The following ROBO2 variants were observed in gnomAD, a reference collection of about 807,000 sequenced individuals.
ROBO2 encodes the protein roundabout homolog 2.
ROBO2 carries 53 observed loss-of-function variants against 160.8 expected under a neutral mutation model. The observed-to-expected ratio is 0.33, with a 90% confidence interval of 0.26 to 0.41. The LOEUF (loss-of-function observed/expected upper bound fraction) is 0.41. Ranked by LOEUF, ROBO2 falls within the 10% of genes least tolerant of loss-of-function variation. The pLI, the probability that ROBO2 is intolerant of heterozygous loss-of-function variation, is 1.00. For synonymous variants in ROBO2, 664 were observed against 611.7 expected (o/e 1.09, Z -1.26); for missense variants, 1,577 against 1,722.4 (o/e 0.92, Z 1.49).
intron 2 of ROBO2, among the ~76,000 whole-genome samples, chr3:76,510,378 A>G (rs1397344121): frequency 6.6e-6 from 1 of 152,194 alleles, no homozygotes; most frequent in Non-Finnish European, 1.5e-5. Flanking sequence ...AACCTGAGGA[A>G]ATGGAAGGAT....
chr3:75,939,964 G>A (rs1047587462), intron 2 of ROBO2, among the ~76,000 whole-genome samples: 6 of 152,054 alleles, frequency 3.9e-5, no homozygotes, highest in Non-Finnish European at 5.9e-5. Context: ...GACCCGCAAT[G>A]TCCAAGATTA....
intron 2 of ROBO2, among the ~76,000 whole-genome samples, chr3:77,237,597 A>G (rs946324073): frequency 1.3e-5 from 2 of 152,022 alleles, no homozygotes; most frequent in Non-Finnish European, 1.5e-5. Flanking sequence ...ATAATATTAC[A>G]TTGGATGTAA....
At chr3:76,167,248 T>C (rs987079810) in intron 2 of ROBO2, among the ~76,000 whole-genome samples, 15 of 152,150 alleles carry the variant, frequency 9.9e-5, no homozygotes, top group African/African-American at 3.6e-4. Flanking sequence ...GGGTTACACT[T>C]GAATTTTATT....
chr3:76,183,690 C>G (rs1701614606), intron 2 of ROBO2, among the ~76,000 whole-genome samples: 1 of 152,088 alleles, frequency 6.6e-6, no homozygotes, highest in East Asian at 1.9e-4. Flanking sequence ...AGGATACACT[C>G]TACTCCGAAT....
At chr3:76,318,153 A>T (rs1046951641) in intron 2 of ROBO2, among the ~76,000 whole-genome samples, 1 of 152,226 alleles carries the variant, frequency 6.6e-6, no homozygotes, top group East Asian at 1.9e-4. Flanking sequence ...TGTATTCTTC[A>T]TATTAGAAAA....
chr3:77,038,750 C>G (rs1389840660), upstream of ROBO2, among the ~76,000 whole-genome samples: 1 of 152,200 alleles, frequency 6.6e-6, no homozygotes, highest in African/African-American at 2.4e-5. Flanking sequence ...TTTGATCTAA[C>G]GTGACCTTCC....
intron 2 of ROBO2, among the ~76,000 whole-genome samples, chr3:75,992,822 A>G (rs1290465533): frequency 6.6e-6 from 1 of 152,222 alleles, no homozygotes; most frequent in Non-Finnish European, 1.5e-5. Context: ...CACCTCTTCC[A>G]TCAGCATGAC....
chr3:76,822,647 G>C (rs3907105), intron 2 of ROBO2, among the ~76,000 whole-genome samples: 9,280 of 151,048 alleles, frequency 0.061, 309 homozygotes, highest in East Asian at 0.11. Flanking sequence ...CATTTTCATT[G>C]ATGAGACTTT....
intron 2 of ROBO2, among the ~76,000 whole-genome samples, chr3:76,118,599 G>A (rs7626462): frequency 0.38 from 57,124 of 151,968 alleles, 11,998 homozygotes; most frequent in African/African-American, 0.58. Context: ...TTATTGGATC[G>A]CACTTGGCTC....
chr3:76,386,327 TTCCCTCCCTCCCTCCCTCCC>T (rs1179625016), intron 2 of ROBO2, among the ~76,000 whole-genome samples: 1 of 122,692 alleles, frequency 8.2e-6, no homozygotes, highest in Non-Finnish European at 1.6e-5. Context: ...CCTTCCCTCC[TTCCCTCCCTCCCTCCCTCCC>T]TCCCTCCCTC....
At chr3:76,809,799 GGAGA>G (rs2065021373) in intron 2 of ROBO2, among the ~76,000 whole-genome samples, 1 of 151,960 alleles carries the variant, frequency 6.6e-6, no homozygotes, top group Admixed American at 6.6e-5. Flanking sequence ...ACAAAGGAAG[GGAGA>G]GAGGAAAACA....
chr3:76,946,995 G>A lies in ROBO2; in HGVS notation c.110-151019G>A, dbSNP rs140233613. 3.9e-3 allele frequency among the ~76,000 whole-genome samples: 590 copies of A among 152,162 alleles called. 3 individuals are homozygous for A. The highest frequency in any genetic ancestry group is 0.013 in the African/African-American group (554 of 41,514). On this transcript the variant is annotated intron_variant, in intron 2 of 26. Transcript: ENST00000487694. The stretch of plus-strand genomic sequence containing the variant: ...CATTCTTGTGTATATTTAGTCTAAC[G>A]TTTTAATTGTTTCGGGTGGGAGAGT...
Position 77,428,603 on chromosome 3 carries a change from G to A in ROBO2, c.389-48811G>A, listed in dbSNP as rs370426487. ...GATCTCCTGACCTCATGATCCACCC[G>A]CCTCGGCCTCCCAAAGTGCTGGGAT... On this transcript the variant is annotated intron_variant, in intron 2 of 25. Transcript: ENST00000461745. 4.0e-5 allele frequency among the ~76,000 whole-genome samples: 6 copies of A among 151,500 alleles called. No homozygotes were observed. In the East Asian group the frequency reaches 5.8e-4, roughly 15 times the overall value.
intron 2 of ROBO2, among the ~76,000 whole-genome samples, chr3:76,849,959 G>A (rs1445088751): frequency 6.6e-6 from 1 of 152,112 alleles, no homozygotes; most frequent in African/African-American, 2.4e-5. Flanking sequence ...GGCCAAGGTG[G>A]GTGGATCACT....
intron 2 of ROBO2, among the ~76,000 whole-genome samples, chr3:76,744,268 C>T (rs1362022120): frequency 6.6e-6 from 1 of 152,074 alleles, no homozygotes; most frequent in Admixed American, 6.6e-5. Flanking sequence ...TAGGTTTCTT[C>T]TCCGCCTGTT....
intron 2 of ROBO2, among the ~76,000 whole-genome samples, chr3:76,150,576 C>G (rs999544053): frequency 6.6e-6 from 1 of 152,168 alleles, no homozygotes; most frequent in African/African-American, 2.4e-5. Context: ...ACCTCAGGGC[C>G]TTTATAGTTG....
At chr3:77,069,012 C>G (rs531708457) in intron 1 of ROBO2, among the ~76,000 whole-genome samples, 3 of 152,250 alleles carry the variant, frequency 2.0e-5, no homozygotes, top group African/African-American at 7.2e-5. Flanking sequence ...CATGGCCACG[C>G]TCAATTGTTT....
At chr3:76,474,266 A>AATT (rs2078816466) in intron 2 of ROBO2, among the ~76,000 whole-genome samples, 1 of 152,138 alleles carries the variant, frequency 6.6e-6, no homozygotes, top group Non-Finnish European at 1.5e-5. Flanking sequence ...CTAGAGAGGA[A>AATT]ATTATAAATA....
At chr3:77,225,810 CA>C (rs1421382347) in intron 2 of ROBO2, among the ~76,000 whole-genome samples, 2 of 151,948 alleles carry the variant, frequency 1.3e-5, no homozygotes, top group Non-Finnish European at 2.9e-5. Flanking sequence ...TTAAAAGCCA[CA>C]AACATTGAAG....
Sources: gnomAD v4.1 joint callset for allele counts (sites outside exome capture counted in the v4.1 genomes callset) on GRCh38, gnomAD v4.1.1 for gene constraint, MANE v1.5 for transcripts, NCBI Gene and HGNC (gene_info 2026-07-23, HGNC 2026-07-21) for gene names.